The following TSPAN9 variants were observed in gnomAD, a reference collection of about 807,000 sequenced individuals.
The protein encoded by TSPAN9 is tetraspanin-9.
Under a neutral mutation model 31.0 loss-of-function variants are expected in TSPAN9, and 16 were observed. That is an observed-to-expected ratio of 0.52 (90% CI 0.35 to 0.78). The LOEUF (loss-of-function observed/expected upper bound fraction) is 0.78, where lower values mean the gene tolerates loss of function less well. TSPAN9 is among the 30% of genes least tolerant of loss of function. The probability of loss-of-function intolerance (pLI) is 0.01; values close to 1 mark genes in which losing one functional copy is unlikely to be tolerated. For missense variants in TSPAN9, 272 were observed against 312.5 expected, an observed-to-expected ratio of 0.87 and a Z score of 0.98; for synonymous variants, 145 against 121.6, an observed-to-expected ratio of 1.19 and a Z score of -1.27.
intron 2 of TSPAN9, among the ~76,000 whole-genome samples, chr12:3,091,667 C>T (rs2098304722): frequency 6.6e-6 from 1 of 152,200 alleles, no homozygotes; most frequent in African/African-American, 2.4e-5. Context: ...CAAATAAGAA[C>T]AAAGGCAGAG....
intron 2 of TSPAN9, among the ~76,000 whole-genome samples, chr12:3,140,977 G>A (rs1187621563): frequency 6.6e-6 from 1 of 151,902 alleles, no homozygotes; most frequent in Non-Finnish European, 1.5e-5. Context: ...AGGCTGGGTG[G>A]GGAAGGGCTG....
chr12:3,118,716 C>G lies in TSPAN9; in HGVS notation c.-18+34997C>G, dbSNP rs78628007. 8.7e-3 allele frequency among the ~76,000 whole-genome samples: 1,322 copies of G among 152,334 alleles called. 20 individuals are homozygous for G. Among genetic ancestry groups the G allele is most frequent in the African/African-American group, 0.029 (1,204 of 41,566 alleles). On this transcript the variant is annotated intron_variant, in intron 2 of 8. Coordinates refer to ENST00000011898, the MANE Select transcript of TSPAN9 (RefSeq NM_006675.5). The stretch of plus-strand genomic sequence containing the variant: ...CCCTGCAGCTGTGCCCAGTGGGTCT[C>G]TCCCACTCCCAGCCATGGTGTGAAT...
intron 3 of TSPAN9, among the ~76,000 whole-genome samples, chr12:3,277,664 G>T (rs1862813131): frequency 6.6e-6 from 1 of 152,230 alleles, no homozygotes; most frequent in Admixed American, 6.5e-5. Flanking sequence ...TTTGCAGCCG[G>T]TGAAATGGAA....
At chr12:3,113,533 CT>C (rs1302924435) in intron 2 of TSPAN9, among the ~76,000 whole-genome samples, 2 of 152,122 alleles carry the variant, frequency 1.3e-5, no homozygotes, top group Non-Finnish European at 2.9e-5. Flanking sequence ...GTGATGTGTA[CT>C]TTGTTAAGTG....
intron 2 of TSPAN9, among the ~76,000 whole-genome samples, chr12:3,165,886 C>T (rs2098348119): frequency 6.6e-6 from 1 of 152,182 alleles, no homozygotes; most frequent in African/African-American, 2.4e-5. Flanking sequence ...CAGCCATGTT[C>T]GAGGCAGCCT....
At chr12:3,207,702 C>T (rs574648450) in intron 3 of TSPAN9, among the ~76,000 whole-genome samples, 1 of 152,118 alleles carries the variant, frequency 6.6e-6, no homozygotes, top group Non-Finnish European at 1.5e-5. Context: ...GGGGAGGCTG[C>T]AGGATTTCAA....
chr12:3,281,626 G>A (rs1048794887), intron 7 of TSPAN9, 108 bp from the exon 8 acceptor site: 9 of 1,318,534 alleles, frequency 6.8e-6, no homozygotes, highest in Non-Finnish European at 9.4e-6. Context: ...AGGGAGGGCT[G>A]GGAGGTAAGA....
chr12:3,161,163 A>G (rs1228890181), intron 2 of TSPAN9, among the ~76,000 whole-genome samples: 2 of 152,152 alleles, frequency 1.3e-5, no homozygotes, highest in Non-Finnish European at 2.9e-5. Context: ...AGAGGTTGGG[A>G]TGAGTCGAGA....
At position 3,283,052 on chromosome 12, in the gene TSPAN9, G is replaced by T; in HGVS notation, c.656G>T (p.Gly219Val). 1 of 1,608,614 alleles carries T rather than the reference G, an allele frequency of 6.2e-7. No individual in the cohort carries two copies. The change falls in exon 9 of 9, where the codon GGC (glycine) becomes GTC (valine). Residue 219 changes from glycine (G) to valine (V), a missense_variant. Physicochemically the swap from Gly to Val is moderately radical, Grantham distance 109. Coordinates refer to ENST00000011898, the MANE Select transcript of TSPAN9 (RefSeq NM_006675.5). The part of the protein sequence containing the change: ...GMCILIMQIL[G>V]MAFSMTLFQH... Reference sequence around the variant, plus strand: ...CCTCCCCGTGTCTTTCAGATCCTGGGCATGGCCTTCTCCATGACCCTCTTC... The same window carrying T: ...CCTCCCCGTGTCTTTCAGATCCTGGTCATGGCCTTCTCCATGACCCTCTTC...
At chr12:3,266,944 G>A (rs1862548620) in intron 3 of TSPAN9, among the ~76,000 whole-genome samples, 1 of 152,160 alleles carries the variant, frequency 6.6e-6, no homozygotes, top group South Asian at 2.1e-4. Flanking sequence ...AGTCTTTCCT[G>A]ATACCTATTT....
At chr12:3,247,336 T>C (rs1862158177) in intron 3 of TSPAN9, among the ~76,000 whole-genome samples, 1 of 108,318 alleles carries the variant, frequency 9.2e-6, no homozygotes, top group East Asian at 3.1e-4. Context: ...CCAAGTAGAG[T>C]GAGTGCCAGT....
Position 3,283,080 on chromosome 12 carries a change from G to A in TSPAN9, c.684G>A (p.Gln228=), listed in dbSNP as rs1217580155. 1 of 1,609,636 alleles carries A rather than the reference G, an allele frequency of 6.2e-7. No homozygotes were observed. Among genetic ancestry groups the A allele is most frequent in the East Asian group, 2.2e-5 (1 of 44,866 alleles). Residue 228 remains glutamine (Q), a synonymous_variant, in exon 9 of 9, where the codon CAG becomes CAA. Coordinates refer to ENST00000011898, the MANE Select transcript of TSPAN9 (RefSeq NM_006675.5). Reference sequence around the variant, plus strand: ...TGGCCTTCTCCATGACCCTCTTCCAGCACATCCACCGGACTGGTAAGAAGT... The same window carrying A: ...TGGCCTTCTCCATGACCCTCTTCCAACACATCCACCGGACTGGTAAGAAGT... ...LGMAFSMTLF[Q]HIHRTGKKYD...
intron 3 of TSPAN9, among the ~76,000 whole-genome samples, chr12:3,272,477 G>C (rs1862698095): frequency 6.6e-6 from 1 of 151,736 alleles, no homozygotes; most frequent in South Asian, 2.1e-4. Context: ...CACAAACCTG[G>C]GTCCTGGAAG....
At chr12:3,122,868 G>A (rs928619552) in intron 2 of TSPAN9, among the ~76,000 whole-genome samples, 3 of 152,150 alleles carry the variant, frequency 2.0e-5, no homozygotes, top group Admixed American at 2.0e-4. Context: ...AGGTGACCCC[G>A]CCTCCTTGCC....
chr12:3,225,570 TGG>T (rs2098386763), intron 3 of TSPAN9, among the ~76,000 whole-genome samples: 1 of 152,184 alleles, frequency 6.6e-6, no homozygotes, highest in Non-Finnish European at 1.5e-5. Flanking sequence ...GCCTGTGGGA[TGG>T]GGGACCGTTG....
chr12:3,079,974 G>T (rs2098297100), intron 1 of TSPAN9, among the ~76,000 whole-genome samples: 1 of 148,462 alleles, frequency 6.7e-6, no homozygotes, highest in African/African-American at 2.5e-5. Flanking sequence ...TAGAGACAGG[G>T]TTGTGCTATG....
chr12:3,083,411 G>A (rs915198168), intron 1 of TSPAN9, among the ~76,000 whole-genome samples: 3 of 152,154 alleles, frequency 2.0e-5, no homozygotes, highest in South Asian at 2.1e-4. Flanking sequence ...CTAATCAATC[G>A]CAGCTGTCTT....
chr12:3,116,319 C>T (rs776433817), intron 2 of TSPAN9, among the ~76,000 whole-genome samples: 7 of 152,276 alleles, frequency 4.6e-5, no homozygotes, highest in East Asian at 1.9e-4. Context: ...TAGCAAGCTG[C>T]GAATCCTCTC....
At chr12:3,158,931 ACTC>A (rs1404171723) in intron 2 of TSPAN9, among the ~76,000 whole-genome samples, 1 of 149,680 alleles carries the variant, frequency 6.7e-6, no homozygotes, top group Non-Finnish European at 1.5e-5. Context: ...TTGGGAACGT[ACTC>A]CTCCTTTGCC....
Sources: gnomAD v4.1 joint callset for allele counts (sites outside exome capture counted in the v4.1 genomes callset) on GRCh38, gnomAD v4.1.1 for gene constraint, MANE v1.5 for transcripts, NCBI Gene and HGNC (gene_info 2026-07-23, HGNC 2026-07-21) for gene names.